Variants in LAMC2 observed in about 807,000 individuals in gnomAD.
LAMC2 encodes laminin subunit gamma-2.
Under a neutral mutation model 140.2 loss-of-function variants are expected in LAMC2, and 97 were observed. That is an observed-to-expected ratio of 0.69 (90% CI 0.59 to 0.82). The LOEUF is 0.82. Ranked by LOEUF, LAMC2 falls within the 40% of genes least tolerant of loss-of-function variation. LAMC2 has a pLI of 0.00. For synonymous variants in LAMC2, 513 were observed against 540.2 expected (o/e 0.95, Z 0.70); for missense variants, 1,402 against 1,476.1 (o/e 0.95, Z 0.82).
intron 18 of LAMC2, 148 bp from the exon 19 acceptor site, chr1:183,238,159 T>G: frequency 3.0e-6 from 2 of 661,306 alleles, no homozygotes; most frequent in South Asian, 3.4e-5. Context: ...AAGTTTGCTC[T>G]GTCCCAGATT....
intron 3 of LAMC2, among the ~76,000 whole-genome samples, chr1:183,216,977 G>A (rs1243668771): frequency 3.3e-5 from 5 of 152,178 alleles, no homozygotes; most frequent in African/African-American, 9.7e-5. Flanking sequence ...TGCTGAATAC[G>A]TGTTTGTCAG....
At chr1:183,223,005 C>G in intron 6 of LAMC2, 130 bp from the exon 7 acceptor site, 1 of 778,714 alleles carries the variant, frequency 1.3e-6, no homozygotes, top group Non-Finnish European at 2.2e-6. Context: ...TCCTGACTCT[C>G]CTAGCAAGGA....
At chr1:183,209,572 A>T (rs1379247879) in intron 2 of LAMC2, among the ~76,000 whole-genome samples, 3 of 152,264 alleles carry the variant, frequency 2.0e-5, no homozygotes, top group Non-Finnish European at 4.4e-5. Context: ...AAAGAACTTC[A>T]TAAAAAAATT....
In LAMC2 at chr1:183,223,229, T is replaced by C. The variant is rs1376485298; in HGVS notation, c.858T>C (p.Asp286=). Residue 286 remains aspartate (D), a synonymous_variant, in exon 7 of 23, where the codon GAT becomes GAC. Coordinates refer to ENST00000264144, the MANE Select transcript of LAMC2 (RefSeq NM_005562.3). ...GAGGCAGACACCCATCTGCCCATGA[T>C]GTGATTCTGGAAGGTGCTGGTCTAC... ...DRGGRHPSAH[D]VILEGAGLRI... The C allele has an allele frequency of 1.9e-6, 3 of 1,614,120 alleles. No individual in the cohort carries two copies. The highest frequency in any genetic ancestry group is 2.2e-5 in the East Asian group (1 of 44,894).
At chr1:183,242,453 A>C (rs147768961) in intron 22 of LAMC2, among the ~76,000 whole-genome samples, 47 of 152,348 alleles carry the variant, frequency 3.1e-4, no homozygotes, top group African/African-American at 1.1e-3. Context: ...ACTCAAACCT[A>C]TTTGAACTAA....
At chr1:183,189,001 C>A (rs911533597) in intron 1 of LAMC2, among the ~76,000 whole-genome samples, 23 of 152,184 alleles carry the variant, frequency 1.5e-4, no homozygotes, top group Middle Eastern at 3.2e-3. Flanking sequence ...AGAAAGGTCA[C>A]TCACTCGAGG....
rs1658145464 is a variant in LAMC2 at position 183,186,329 on chromosome 1, G to C, written c.-24G>C. The stretch of plus-strand genomic sequence containing the variant: ...GGCAGCGACCCCTGCAGCGGAGACA[G>C]AGACTGAGCGGCCCGGCCCCGCCAT... On this transcript the variant is annotated 5_prime_UTR_variant, in exon 1 of 23. Coordinates refer to ENST00000264144, the MANE Select transcript of LAMC2 (RefSeq NM_005562.3). The C allele has an allele frequency of 1.3e-6, 2 of 1,580,470 alleles. No individual in the cohort carries two copies.
At chr1:183,216,190 G>A (rs1327911304) in intron 3 of LAMC2, among the ~76,000 whole-genome samples, 1 of 152,156 alleles carries the variant, frequency 6.6e-6, no homozygotes, top group Non-Finnish European at 1.5e-5. Context: ...GCGTCCCATT[G>A]CCCACTTTGC....
chr1:183,236,388 CAAAAAA>C (rs34154823), intron 16 of LAMC2, 66 bp from the exon 17 acceptor site: 490 of 1,092,482 alleles, frequency 4.5e-4, no homozygotes, highest in Middle Eastern at 9.8e-4. Context: ...AACCCTGTCT[CAAAAAA>C]AAAAAAAAAA....
intron 2 of LAMC2, among the ~76,000 whole-genome samples, chr1:183,209,047 T>G (rs530167746): frequency 6.6e-6 from 1 of 151,906 alleles, no homozygotes; most frequent in South Asian, 2.1e-4. Context: ...AGGTCTTTGC[T>G]GTACACACAG....
intron 22 of LAMC2, chr1:183,240,617 G>C (rs944811244): frequency 1.4e-6 from 2 of 1,421,660 alleles, no homozygotes; most frequent in Non-Finnish European, 1.8e-6. Context: ...ATTGCACTTG[G>C]GGGTAAAGGT....
intron 2 of LAMC2, among the ~76,000 whole-genome samples, chr1:183,210,212 G>A (rs147309179): frequency 1.1e-4 from 16 of 152,254 alleles, no homozygotes; most frequent in African/African-American, 3.4e-4. Context: ...TGACATCAAA[G>A]GTAATAATGT....
At chr1:183,213,099 C>G (rs902196233) in intron 2 of LAMC2, among the ~76,000 whole-genome samples, 3 of 152,254 alleles carry the variant, frequency 2.0e-5, no homozygotes, top group Admixed American at 6.5e-5. Flanking sequence ...CACTGCCTGC[C>G]TAAACCTCTG....
intron 19 of LAMC2, among the ~76,000 whole-genome samples, chr1:183,238,850 G>C (rs1660043360): frequency 5.9e-5 from 9 of 152,128 alleles, no homozygotes; most frequent in Admixed American, 5.9e-4. Context: ...GTTTCTTTGT[G>C]GTGATAACAG....
chr1:183,231,592 G>T (rs1443848749), intron 12 of LAMC2, among the ~76,000 whole-genome samples: 6 of 152,164 alleles, frequency 3.9e-5, no homozygotes, highest in Non-Finnish European at 7.3e-5. Context: ...AAAGATATCA[G>T]GAGTCCAGAA....
At chr1:183,219,824 A>T (rs1659409835) in intron 4 of LAMC2, among the ~76,000 whole-genome samples, 1 of 152,172 alleles carries the variant, frequency 6.6e-6, no homozygotes, top group Non-Finnish European at 1.5e-5. Context: ...TCCCCCCAAC[A>T]TGTGGTGCAG....
At chr1:183,233,762 G>C (rs543755388) in intron 14 of LAMC2, among the ~76,000 whole-genome samples, 1 of 139,580 alleles carries the variant, frequency 7.2e-6, no homozygotes, top group Non-Finnish European at 1.5e-5. Flanking sequence ...AGCAGGAAAA[G>C]AATTTTTATT....
intron 17 of LAMC2, among the ~76,000 whole-genome samples, chr1:183,236,967 A>C (rs950472375): frequency 6.6e-6 from 1 of 152,180 alleles, no homozygotes; most frequent in African/African-American, 2.4e-5. Context: ...CTTCTTCTCA[A>C]AAGTTTTGCA....
rs766316837 is a variant in LAMC2, at chr1:183,230,986, A to T, written c.1740A>T (p.Ser580=). Reference sequence around the variant, plus strand: ...CTTGCAACTGTAACCCCATGGGCTCAGAGCCTGTAGGATGTCGAAGTGATG... The same window carrying T: ...CTTGCAACTGTAACCCCATGGGCTCTGAGCCTGTAGGATGTCGAAGTGATG... The part of the protein sequence containing the change: ...CRACNCNPMG[S]EPVGCRSDGT... The change falls in exon 12 of 23, where the codon TCA becomes TCT. Residue 580 remains serine (S), a synonymous_variant. Transcript: ENST00000264144. The T allele has an allele frequency of 1.2e-5, 19 of 1,614,028 alleles. No homozygotes were observed. The South Asian group carries it at 2.1e-4, about 18-fold the overall frequency.
Sources: gnomAD v4.1 joint callset for allele counts (sites outside exome capture counted in the v4.1 genomes callset) on GRCh38, gnomAD v4.1.1 for gene constraint, MANE v1.5 for transcripts, NCBI Gene and HGNC (gene_info 2026-07-23, HGNC 2026-07-21) for gene names.